AIM2: variants seen among roughly 807,000 people sequenced by gnomAD.
AIM2 encodes absent in melanoma 2, also known as interferon-inducible protein AIM2.
A neutral mutation model predicts 27.7 loss-of-function variants in AIM2; 30 were observed. That is an observed-to-expected ratio of 1.08 (90% CI 0.81 to 1.47). AIM2 has a LOEUF of 1.47. Ranked by LOEUF, AIM2 falls within the 40% of genes most tolerant of loss-of-function variation. AIM2 has a pLI of 0.00. For missense variants in AIM2, 358 were observed against 411.3 expected (o/e 0.87, Z 1.12); for synonymous variants, 141 against 145.3 (o/e 0.97, Z 0.21).
intron 4 of AIM2, among the ~76,000 whole-genome samples, chr1:159,064,609 G>A (rs1339883086): frequency 1.3e-5 from 2 of 152,178 alleles, no homozygotes; most frequent in Admixed American, 6.5e-5. Flanking sequence ...GGGATTATAG[G>A]TGTCCGCCAA....
intron 1 of AIM2, among the ~76,000 whole-genome samples, chr1:159,089,157 C>A (rs1025408097): frequency 6.6e-6 from 1 of 152,160 alleles, no homozygotes; most frequent in Non-Finnish European, 1.5e-5. Flanking sequence ...GCAAGTGAGA[C>A]GAGCTGTGAG....
At chr1:159,078,924 G>T (rs1185237398), upstream of AIM2, among the ~76,000 whole-genome samples, 1 of 152,164 alleles carries the variant, frequency 6.6e-6, no homozygotes, top group African/African-American at 2.4e-5. Flanking sequence ...CCAATACAAA[G>T]ACTCAGGCCC....
chr1:159,132,782 C>A (rs1389370657), intron 1 of AIM2, among the ~76,000 whole-genome samples: 2 of 152,220 alleles, frequency 1.3e-5, no homozygotes, highest in Non-Finnish European at 2.9e-5. Flanking sequence ...AAGAGGCAGT[C>A]CAGTACCTCC....
chr1:159,108,837 G>A (rs769062457), intron 1 of AIM2, among the ~76,000 whole-genome samples: 1 of 152,100 alleles, frequency 6.6e-6, no homozygotes, highest in Non-Finnish European at 1.5e-5. Context: ...GCCTAACCAA[G>A]GAGGTGAAAG....
chr1:159,094,757 G>A (rs927780204), intron 1 of AIM2, among the ~76,000 whole-genome samples: 12 of 152,210 alleles, frequency 7.9e-5, no homozygotes, highest in South Asian at 2.1e-4. Flanking sequence ...TTAAGTATTG[G>A]TAACTTGACA....
At chr1:159,055,828 G>C in the AIM2 span, among the ~76,000 whole-genome samples, 1 of 152,204 alleles carries the variant, frequency 6.6e-6, no homozygotes, top group Non-Finnish European at 1.5e-5. Flanking sequence ...CTTCATATTA[G>C]TTCTAGAAGG....
chr1:159,125,971 C>T (rs1647674705), intron 1 of AIM2, among the ~76,000 whole-genome samples: 1 of 152,184 alleles, frequency 6.6e-6, no homozygotes, highest in African/African-American at 2.4e-5. Context: ...AAAAACACTT[C>T]CATTCTAGGG....
intron 1 of AIM2, among the ~76,000 whole-genome samples, chr1:159,109,942 C>T (rs992606315): frequency 1.3e-5 from 2 of 152,166 alleles, no homozygotes; most frequent in African/African-American, 4.8e-5. Flanking sequence ...ACAGGGAACA[C>T]TTCTACGCTG....
intron 5 of AIM2, 136 bp from the exon 6 acceptor site, chr1:159,062,854 AT>A: frequency 1.2e-6 from 1 of 822,478 alleles, no homozygotes; most frequent in Non-Finnish European, 2.0e-6. Context: ...CTTCTAATAC[AT>A]TGGTCTGCCT....
chr1:159,115,835 A>G (rs1459934959), intron 1 of AIM2, among the ~76,000 whole-genome samples: 1 of 152,138 alleles, frequency 6.6e-6, no homozygotes, highest in East Asian at 1.9e-4. Flanking sequence ...GACAAATGGG[A>G]TCTAATTAAA....
In AIM2 at chr1:159,066,056, C is replaced by G; in HGVS notation, c.670G>C (p.Ala224Pro). The G allele has an allele frequency of 2.5e-6, 4 of 1,614,062 alleles. No individual in the cohort carries two copies. Among genetic ancestry groups the G allele is most frequent in the Non-Finnish European group, 3.4e-6 (4 of 1,180,012 alleles). ...RHSGFLEVNS[A>P]SRVLDAESDQ... ...GATTCAGCATCTAACACACGTGAGGCGCTATTTACCTCTAAGAAACCACTG... is the reference window on the plus strand; with the variant it reads ...GATTCAGCATCTAACACACGTGAGGGGCTATTTACCTCTAAGAAACCACTG... Residue 224 changes from alanine to proline, a missense_variant, in exon 4 of 6, where the codon GCC becomes CCC. Ala to Pro is a conservative substitution (Grantham distance 27). Transcript: ENST00000368130.
At chr1:159,124,940 T>C (rs1647647809) in intron 1 of AIM2, among the ~76,000 whole-genome samples, 1 of 152,350 alleles carries the variant, frequency 6.6e-6, no homozygotes, top group South Asian at 2.1e-4. Context: ...CTGATTTTAT[T>C]ATTTTTCCCA....
Position 159,066,080 on chromosome 1 carries a change from T to C in AIM2, c.646A>G (p.Ser216Gly). ...IIIIARYYRH[S>G]GFLEVNSASR... is the part of the protein sequence containing the mutation. Reference sequence around the variant, plus strand: ...GCGCTATTTACCTCTAAGAAACCACTGTGCCGATAATATCTTGCTATTATA... The same window carrying C: ...GCGCTATTTACCTCTAAGAAACCACCGTGCCGATAATATCTTGCTATTATA... The change falls in exon 4 of 6, where the codon AGT becomes GGT. Residue 216 changes from serine to glycine, a missense_variant. Transcript: ENST00000368130. 6.2e-7 allele frequency: 1 copy of C among 1,614,204 alleles called. No homozygotes were observed. Among genetic ancestry groups the C allele is most frequent in the African/African-American group, 1.3e-5 (1 of 75,062 alleles).
upstream of AIM2, chr1:159,081,550 C>T (rs1656775374): frequency 2.0e-6 from 1 of 508,232 alleles, no homozygotes; most frequent in African/African-American, 2.0e-5. Context: ...AATCCAGAGG[C>T]TCCTCAGGCT....
chr1:159,073,253 C>A lies in AIM2; in HGVS notation c.247G>T (p.Glu83Ter). The change falls in exon 2 of 6, where the codon GAG (glutamate) becomes TAG (stop). Residue 83 changes from glutamate (E) to a stop codon, truncating the protein, a stop_gained. Transcript: ENST00000368130. LOFTEE classifies it high-confidence loss of function. ...NYMLLAKRLQ[E>*]EKEKVDKQYK... ...CCCACATTACCTTTCTCCTTCTCCT[C>A]CTGAAGACGTTTTGCCAAAAGCATA... 1 of 1,614,134 alleles carries A rather than the reference C, an allele frequency of 6.2e-7. No individual in the cohort carries two copies. The highest frequency in any genetic ancestry group is 8.5e-7 in the Non-Finnish European group (1 of 1,180,010).
At chr1:159,066,616 A>G (rs1656114444) in intron 3 of AIM2, among the ~76,000 whole-genome samples, 1 of 152,210 alleles carries the variant, frequency 6.6e-6, no homozygotes. Context: ...CTATATATAA[A>G]GACTTCATCA....
At chr1:159,106,805 T>C (rs537695364) in intron 1 of AIM2, among the ~76,000 whole-genome samples, 1 of 152,372 alleles carries the variant, frequency 6.6e-6, no homozygotes, top group African/African-American at 2.4e-5. Context: ...CTTATACCTT[T>C]CAGAAAGTCC....
upstream of AIM2, among the ~76,000 whole-genome samples, chr1:159,079,740 T>G (rs1427516301): frequency 1.3e-5 from 2 of 152,130 alleles, no homozygotes; most frequent in African/African-American, 2.4e-5. Context: ...ACACTTGGTG[T>G]TGTACATTCT....
At chr1:159,106,370 C>T (rs907385575) in intron 1 of AIM2, among the ~76,000 whole-genome samples, 1 of 152,242 alleles carries the variant, frequency 6.6e-6, no homozygotes, top group Non-Finnish European at 1.5e-5. Flanking sequence ...GCTTCCGCTG[C>T]TATCACATGT....
Sources: allele counts gnomAD v4.1 joint callset (sites outside exome capture counted in the v4.1 genomes callset), GRCh38; gene constraint gnomAD v4.1.1; transcripts MANE v1.5; gene names NCBI Gene and HGNC (gene_info 2026-07-23, HGNC 2026-07-21).